Variants in SLFN11 observed in about 807,000 individuals in gnomAD.
SLFN11 encodes the protein schlafen family member 11.
Under a neutral mutation model 53.4 loss-of-function variants are expected in SLFN11, and 43 were observed. That is an observed-to-expected ratio of 0.80 (90% confidence interval 0.63 to 1.04). The LOEUF is 1.04. SLFN11 is among the 50% of genes least tolerant of loss of function. SLFN11 has a pLI of 0.00. For missense variants in SLFN11, 990 were observed against 1,079.1 expected, an observed-to-expected ratio of 0.92 and a Z score of 1.16; for synonymous variants, 389 against 394.7, an observed-to-expected ratio of 0.99 and a Z score of 0.17.
intron 4 of SLFN11, among the ~76,000 whole-genome samples, chr17:35,362,254 A>G (rs555346676): frequency 2.0e-5 from 3 of 152,120 alleles, no homozygotes; most frequent in Non-Finnish European, 4.4e-5. Flanking sequence ...CACCACACAG[A>G]TACAATAGAT....
At chr17:35,368,430 T>A (rs183417526) in intron 1 of SLFN11, among the ~76,000 whole-genome samples, 5 of 152,214 alleles carry the variant, frequency 3.3e-5, no homozygotes, top group Middle Eastern at 6.8e-3. Context: ...TACCTGCCCA[T>A]GGAGGCAGAA....
chr17:35,365,579 G>A (rs1908865427), intron 3 of SLFN11, among the ~76,000 whole-genome samples: 1 of 152,138 alleles, frequency 6.6e-6, no homozygotes, highest in African/African-American at 2.4e-5. Context: ...ATAGGCATGA[G>A]CCACAATGCC....
At position 35,363,624 on chromosome 17, in the gene SLFN11, G is replaced by A. The variant is rs758613276; in HGVS notation, c.184C>T (p.Arg62Ter). The change falls in exon 4 of 7, where the codon CGA becomes TGA. Residue 62 changes from arginine (R) to a stop codon, truncating the protein, a stop_gained. Coordinates refer to ENST00000685675, the MANE Select transcript of SLFN11 (RefSeq NM_001376007.1). LOFTEE classifies it high-confidence loss of function. ...GGATGCTCAACCTTCTTGGCCATTC[G>A]AATCACTCCTCCTCCTGAGTTTAAT... ...ALLNSGGGVIRMAKKVEHPVE... is the reference protein window; with the variant it reads ...ALLNSGGGVI 1.1e-5 allele frequency: 18 copies of A among 1,613,632 alleles called. No homozygotes were observed. Among genetic ancestry groups the A allele is most frequent in the Non-Finnish European group, 1.4e-5 (17 of 1,179,922 alleles).
At chr17:35,361,253 T>C (rs1270293167) in intron 4 of SLFN11, among the ~76,000 whole-genome samples, 1 of 152,238 alleles carries the variant, frequency 6.6e-6, no homozygotes, top group Admixed American at 6.5e-5. Context: ...GCAGTAGTGA[T>C]GCAAGGCAAG....
chr17:35,353,100 G>A lies in SLFN11; in HGVS notation c.1962C>T (p.Phe654=), dbSNP rs1382152200. ...NICRAETRKT[F]LRENFEHIQH... ...GAATGTGTTCAAAGTTTTCTCTTAGGAAAGTTTTCCGGGTCTCTGCTCGGC... is the reference window on the plus strand; with the variant it reads ...GAATGTGTTCAAAGTTTTCTCTTAGAAAAGTTTTCCGGGTCTCTGCTCGGC... Residue 654 remains phenylalanine, a synonymous_variant, in exon 7 of 7, where the codon TTC becomes TTT. Coordinates refer to ENST00000685675, the MANE Select transcript of SLFN11 (RefSeq NM_001376007.1). 5 of 1,613,966 alleles carry A rather than the reference G, an allele frequency of 3.1e-6. No homozygotes were observed. The African/African-American group carries it at 4.0e-5, about 13-fold the overall frequency.
At chr17:35,367,182 T>C (rs1207483141) in intron 2 of SLFN11, 119 bp from the exon 3 acceptor site, 1 of 152,150 alleles carries the variant, frequency 6.6e-6, no homozygotes, top group Non-Finnish European at 1.5e-5. Context: ...TCCAAGACCA[T>C]TGAAACATCT....
rs1168949731 is a variant in SLFN11 at position 35,352,131 on chromosome 17, C to T, written c.*225G>A. 1.7e-6 allele frequency: 1 copy of T among 592,306 alleles called. No homozygotes were observed. 36.7% of individuals were successfully genotyped at this position (592,306 alleles called of 1,614,324 possible). ...AGCTAAAGTTCCTTTAGAAAACCAC[C>T]ATCTTTCTGGCTGGAAGAGTCAGGG... On this transcript the variant is annotated 3_prime_UTR_variant, in exon 7 of 7. Transcript: ENST00000685675.
intron 4 of SLFN11, 67 bp from the exon 5 acceptor site, chr17:35,360,438 T>C: frequency 1.4e-6 from 2 of 1,410,448 alleles, no homozygotes; most frequent in South Asian, 1.3e-5. Flanking sequence ...GCTCTATCAG[T>C]AGGTGGAATG....
At chr17:35,363,894 A>G in intron 3 of SLFN11, 68 bp from the exon 4 acceptor site, 1 of 1,270,778 alleles carries the variant, frequency 7.9e-7, no homozygotes, top group East Asian at 2.4e-5. Flanking sequence ...TTTTGTGTCT[A>G]ATATGTGCTG....
chr17:35,353,394 A>C lies in SLFN11; in HGVS notation c.1864T>G (p.Cys622Gly), dbSNP rs781707234. 2.0e-5 allele frequency: 32 copies of C among 1,603,794 alleles called. No individual in the cohort carries two copies. The South Asian group carries it at 3.5e-4, about 17-fold the overall frequency. Residue 622 changes from cysteine (C) to glycine (G), a missense_variant, in exon 6 of 7, where the codon TGT (cysteine) becomes GGT (glycine). By Grantham distance (159) the Cys-to-Gly change is radical. Transcript: ENST00000685675. ...IMEKIRNVFHCEAHRILYVCE... is the reference protein window; with the variant it reads ...IMEKIRNVFHGEAHRILYVCE... Reference sequence around the variant, plus strand: ...ACGTAGAGAATTCTGTGTGCCTCACAGTGAAACACATTCCTGATCTTCTCC... The same window carrying C: ...ACGTAGAGAATTCTGTGTGCCTCACCGTGAAACACATTCCTGATCTTCTCC...
At position 35,354,192 on chromosome 17, in the gene SLFN11, T is replaced by A. The variant is rs952464201; in HGVS notation, c.1199-133A>T. 4.4e-6 allele frequency: 3 copies of A among 676,370 alleles called. No individual in the cohort carries two copies. In the African/African-American group the frequency reaches 5.6e-5, roughly 13 times the overall value. The allele number at this position is 676,370 out of a possible 1,614,324, so 41.9% of individuals were successfully genotyped here. Reference sequence around the variant, plus strand: ...TTCAAATACTATTTTATAAATATTATTATATTATAGTTATAAAGGAAAAGA... The same window carrying A: ...TTCAAATACTATTTTATAAATATTAATATATTATAGTTATAAAGGAAAAGA... On this transcript the variant is annotated intron_variant, in intron 5 of 6. Transcript: ENST00000685675.
At chr17:35,356,797 T>TAC (rs61566848) in intron 5 of SLFN11, among the ~76,000 whole-genome samples, 47,843 of 139,828 alleles carry the variant, frequency 0.34, 7,925 homozygotes, top group Non-Finnish European at 0.38. Flanking sequence ...ATATGTAGCA[T>TAC]ACACACACAC....
chr17:35,352,729 C>G lies in SLFN11; in HGVS notation c.2333G>C (p.Arg778Pro), dbSNP rs541914273. ...CTCCACAGTCAAGTATTTCTTAATT[C>G]GTAAGGTTCCCTGAACACCCTGGGA... ...EWSQGVQGTL[R>P]IKKYLTVEQI... The change falls in exon 7 of 7, where the codon CGA becomes CCA. Residue 778 changes from arginine to proline, a missense_variant. Physicochemically the swap from Arg to Pro is moderately radical, Grantham distance 103. Coordinates refer to ENST00000685675, the MANE Select transcript of SLFN11 (RefSeq NM_001376007.1). 49 of 1,614,180 alleles carry G rather than the reference C, an allele frequency of 3.0e-5. No homozygotes were observed. The East Asian group carries it at 5.6e-4, about 18-fold the overall frequency.
At chr17:35,356,455 C>T (rs893923905) in intron 5 of SLFN11, among the ~76,000 whole-genome samples, 7 of 152,082 alleles carry the variant, frequency 4.6e-5, no homozygotes, top group Non-Finnish European at 5.9e-5. Flanking sequence ...CACCCTTCTC[C>T]CTTATCACAG....
At chr17:35,360,768 T>C (rs925080038) in intron 4 of SLFN11, among the ~76,000 whole-genome samples, 2 of 152,078 alleles carry the variant, frequency 1.3e-5, no homozygotes, top group Non-Finnish European at 2.9e-5. Flanking sequence ...CTGTTCAATA[T>C]CATCTCATCA....
chr17:35,353,122 C>T lies in SLFN11; in HGVS notation c.1940G>A (p.Arg647Gln), dbSNP rs201150761. The change falls in exon 7 of 7, where the codon CGA becomes CAA. Residue 647 changes from arginine (R) to glutamine (Q), a missense_variant. This residue lies in a region of SLFN11 where 313 missense variants were observed against 320.9 expected (regional missense o/e 0.98). Transcript: ENST00000685675. ...TAGGAAAGTTTTCCGGGTCTCTGCT[C>T]GGCAGATATTTCTATCACTGTAAAA... is the stretch of plus-strand genomic sequence containing the variant. Reference protein sequence around the residue: ...RNFISDRNICRAETRKTFLRE... With the variant: ...RNFISDRNICQAETRKTFLRE... 1.3e-4 allele frequency: 205 copies of T among 1,613,348 alleles called. No homozygotes were observed. In the East Asian group the frequency reaches 1.3e-3, roughly 11 times the overall value.
At chr17:35,366,747 T>C (rs1908999712) in intron 3 of SLFN11, among the ~76,000 whole-genome samples, 200 bp downstream of exon 3, 1 of 152,042 alleles carries the variant, frequency 6.6e-6, no homozygotes, top group Non-Finnish European at 1.5e-5. Context: ...GACTGAGGTG[T>C]GAAGACATTT....
chr17:35,352,530 C>A lies in SLFN11; in HGVS notation c.2532G>T (p.Met844Ile). Residue 844 changes from methionine (M) to isoleucine (I), a missense_variant, in exon 7 of 7, where the codon ATG (methionine) becomes ATT (isoleucine). Physicochemically the swap from Met to Ile is conservative, Grantham distance 10. Transcript: ENST00000685675. ...RVVQLSDACD[M>I]LGDHIVLDSV... is the part of the protein sequence containing the mutation. ...TGTCCAACACAATGTGATCACCCAA[C>A]ATATCACATGCATCACTGAGCTGCA... 1 of 1,614,228 alleles carries A rather than the reference C, an allele frequency of 6.2e-7. No individual in the cohort carries two copies. The highest frequency in any genetic ancestry group is 8.5e-7 in the Non-Finnish European group (1 of 1,180,048).
chr17:35,355,131 A>G (rs929792370), intron 5 of SLFN11, among the ~76,000 whole-genome samples: 1 of 152,176 alleles, frequency 6.6e-6, no homozygotes, highest in Admixed American at 6.5e-5. Flanking sequence ...AAGAAAATAC[A>G]TCATTTGTTG....
Sources: allele counts gnomAD v4.1 joint callset (sites outside exome capture counted in the v4.1 genomes callset), GRCh38; gene constraint gnomAD v4.1.1; regional missense constraint gnomAD v4.1.1; transcripts MANE v1.5; gene names NCBI Gene and HGNC (gene_info 2026-07-23, HGNC 2026-07-21).